The following FAM118B variants were observed in gnomAD, a reference collection of about 807,000 sequenced individuals.
The protein encoded by FAM118B is SIR2 antiphage like 1, also known as protein FAM118B.
In FAM118B, 24 loss-of-function variants were observed where a neutral mutation model predicts 38.5. The ratio of observed to expected loss-of-function variants is 0.62; its 90% confidence interval spans 0.45 to 0.88. FAM118B has a LOEUF of 0.88. FAM118B is among the 40% of genes least tolerant of loss of function. The probability of loss-of-function intolerance (pLI) is 0.00; values close to 1 mark genes in which losing one functional copy is unlikely to be tolerated. For missense variants in FAM118B, 334 were observed against 420.0 expected, an observed-to-expected ratio of 0.80 and a Z score of 1.79; for synonymous variants, 138 against 156.3, an observed-to-expected ratio of 0.88 and a Z score of 0.87.
rs753270096 is a variant in FAM118B, at chr11:126,256,207, A to G, written c.697-360A>G. ...CTTGAACCAGGGTGGTGGAGGTTGC[A>G]GTAAGCCGAGGTCACACCACTACAC... On this transcript the variant is annotated intron_variant, in intron 6 of 8. Coordinates refer to ENST00000533050, the MANE Select transcript of FAM118B (RefSeq NM_024556.4). This position sits in a 1 kb window ranked among gnomAD's most constrained non-coding sequence, Gnocchi z 6.6. 1.4e-4 allele frequency among the ~76,000 whole-genome samples: 22 copies of G among 152,248 alleles called. No individual in the cohort carries two copies. Among genetic ancestry groups the G allele is most frequent in the Non-Finnish European group, 2.8e-4 (19 of 68,044 alleles).
intron 2 of FAM118B, 25 bp downstream of exon 2, chr11:126,229,318 A>G (rs1950180028): frequency 1.3e-5 from 2 of 152,212 alleles, no homozygotes. Flanking sequence ...TCCAGTCACC[A>G]ACTTCTAATT....
intron 4 of FAM118B, among the ~76,000 whole-genome samples, chr11:126,246,151 A>G (rs769490752): frequency 1.3e-5 from 2 of 152,214 alleles, no homozygotes; most frequent in African/African-American, 2.4e-5. Context: ...AAATTTAAAC[A>G]CTAATATTAA....
In FAM118B at chr11:126,240,933, C is replaced by T. The variant is rs749776651; in HGVS notation, c.228C>T (p.Ala76=). Residue 76 remains alanine, a synonymous_variant, in exon 4 of 9, where the codon GCC becomes GCT. Coordinates refer to ENST00000533050, the MANE Select transcript of FAM118B (RefSeq NM_024556.4). ...TAATTCAGGCCTTACTGGATGCTGC[C>T]ATTGATTTTGATCTTTTAGAAGATG... ...KGLIQALLDA[A]IDFDLLEDEE... is the part of the protein sequence containing the mutation. The T allele has an allele frequency of 1.2e-6, 2 of 1,613,988 alleles. No individual in the cohort carries two copies. The highest frequency in any genetic ancestry group is 2.2e-5 in the East Asian group (1 of 44,896).
chr11:126,248,401 G>A (rs71470641), intron 4 of FAM118B, among the ~76,000 whole-genome samples: 2,633 of 86,520 alleles, frequency 0.03, 36 homozygotes, highest in Non-Finnish European at 0.042. Context: ...ATGGAGTTTC[G>A]CTCTTGTTGC....
intron 8 of FAM118B, 28 bp downstream of exon 8, chr11:126,261,512 TCA>T (rs773386137): frequency 1.3e-6 from 2 of 1,584,104 alleles, no homozygotes; most frequent in Non-Finnish European, 1.7e-6. Context: ...CTACTATTTA[TCA>T]CTCTGTAGCA....
intron 3 of FAM118B, among the ~76,000 whole-genome samples, chr11:126,238,729 A>G (rs185416813): frequency 6.6e-6 from 1 of 152,164 alleles, no homozygotes; most frequent in East Asian, 1.9e-4. Flanking sequence ...TTTTAGCCCC[A>G]CCAGCCCCTC....
chr11:126,260,814 A>T (rs890406297), intron 7 of FAM118B: 1 of 152,222 alleles, frequency 6.6e-6, no homozygotes, highest in Non-Finnish European at 1.5e-5. Flanking sequence ...TTTCTGAACT[A>T]TTATCTATGC....
intron 1 of FAM118B, among the ~76,000 whole-genome samples, chr11:126,216,702 C>T (rs1949983762): frequency 6.6e-6 from 1 of 152,152 alleles, no homozygotes; most frequent in African/African-American, 2.4e-5. Flanking sequence ...TGGGTTAAAT[C>T]AAGGAATAAA....
At chr11:126,242,937 A>T (rs529397873) in intron 4 of FAM118B, among the ~76,000 whole-genome samples, 15 of 152,230 alleles carry the variant, frequency 9.9e-5, no homozygotes, top group Non-Finnish European at 1.9e-4. Context: ...AACGTTATTC[A>T]TAATAGCCAA....
rs1591498685 is a variant in FAM118B at position 126,216,673 on chromosome 11, A to G, written c.-77+4843A>G. ...CCACTTTTTGGTGAGTCAGTGAGTT[A>G]CTGCAGTCATAGTGGTGGTGGGTTA... On this transcript the variant is annotated intron_variant, in intron 1 of 8. Coordinates refer to ENST00000533050, the MANE Select transcript of FAM118B (RefSeq NM_024556.4). 2.0e-5 allele frequency among the ~76,000 whole-genome samples: 3 copies of G among 152,248 alleles called. No homozygotes were observed. The East Asian group carries it at 5.8e-4, about 29-fold the overall frequency.
At chr11:126,229,584 A>G (rs927431526) in intron 2 of FAM118B, among the ~76,000 whole-genome samples, 1 of 152,074 alleles carries the variant, frequency 6.6e-6, no homozygotes, top group Non-Finnish European at 1.5e-5. Flanking sequence ...CTGGGATTAC[A>G]GGCGCCCACC....
chr11:126,226,570 AGGGCT>A (rs948128983), intron 1 of FAM118B, among the ~76,000 whole-genome samples: 1 of 152,248 alleles, frequency 6.6e-6, no homozygotes, highest in Non-Finnish European at 1.5e-5. Context: ...TCCCCCCGGC[AGGGCT>A]GCATATAGAT....
At chr11:126,219,347 ATCTTTTTTTTTTTT>A in intron 1 of FAM118B, among the ~76,000 whole-genome samples, 1 of 49,142 alleles carries the variant, frequency 2.0e-5, no homozygotes, top group African/African-American at 9.2e-5. Flanking sequence ...GCTCTTGTTT[ATCTTTTTTTTTTTT>A]TTTTTTTTTT....
At chr11:126,215,932 C>T (rs917702400) in intron 1 of FAM118B, among the ~76,000 whole-genome samples, 3 of 151,698 alleles carry the variant, frequency 2.0e-5, no homozygotes, top group Non-Finnish European at 4.4e-5. Context: ...CATTTGAGCC[C>T]GGGAATTCAA....
intron 2 of FAM118B, 143 bp downstream of exon 2, chr11:126,229,436 T>C (rs1950181433): frequency 1.3e-5 from 2 of 152,030 alleles, no homozygotes; most frequent in Admixed American, 1.3e-4. Context: ...ACATCTGAGC[T>C]CTTTTGTTTG....
chr11:126,213,099 C>A (rs1949912338), intron 1 of FAM118B, among the ~76,000 whole-genome samples: 1 of 151,968 alleles, frequency 6.6e-6, no homozygotes, highest in Non-Finnish European at 1.5e-5. Context: ...GTACTCTTGG[C>A]AGCTGCTGTT....
chr11:126,245,534 A>T (rs1334369380), intron 4 of FAM118B, among the ~76,000 whole-genome samples: 3 of 152,058 alleles, frequency 2.0e-5, no homozygotes, highest in Non-Finnish European at 4.4e-5. Context: ...TGTCATCAAG[A>T]AAGTGAAAAC....
chr11:126,233,611 T>C (rs1950234612), intron 2 of FAM118B: 1 of 395,472 alleles, frequency 2.5e-6, no homozygotes, highest in Non-Finnish European at 5.0e-6. Flanking sequence ...AATCAAAGAT[T>C]TGACTGGAAA....
chr11:126,256,690 C>T lies in FAM118B; in HGVS notation c.820C>T (p.His274Tyr), dbSNP rs1486939273. The change falls in exon 7 of 9, where the codon CAT becomes TAT. Residue 274 changes from histidine (H) to tyrosine (Y), a missense_variant. Physicochemically the swap from His to Tyr is moderately conservative, Grantham distance 83. Coordinates refer to ENST00000533050, the MANE Select transcript of FAM118B (RefSeq NM_024556.4). This position sits in a 1 kb window ranked among gnomAD's most constrained non-coding sequence, Gnocchi z 6.6. The part of the protein sequence containing the change: ...EAVKHKSDLE[H>Y]FMLVRRGDVD... ...TGTCAAGCATAAATCTGACCTAGAA[C>T]ATTTCATGCTGGTTCGGAGAGGAGA... 3.7e-6 allele frequency: 6 copies of T among 1,614,220 alleles called. No homozygotes were observed. Among genetic ancestry groups the T allele is most frequent in the Non-Finnish European group, 5.1e-6 (6 of 1,180,042 alleles).
Sources: gnomAD v4.1 joint callset for allele counts (sites outside exome capture counted in the v4.1 genomes callset) on GRCh38, gnomAD v4.1.1 for gene constraint, Gnocchi (gnomAD v3.1) non-coding constraint, MANE v1.5 for transcripts, NCBI Gene and HGNC (gene_info 2026-07-23, HGNC 2026-07-21) for gene names.